CXCL13: variants seen among roughly 807,000 people sequenced by gnomAD.
The protein encoded by CXCL13 is C-X-C motif chemokine ligand 13, also known as C-X-C motif chemokine 13.
Under a neutral mutation model 12.2 loss-of-function variants are expected in CXCL13, and 7 were observed. The observed-to-expected ratio is 0.57, with a 90% CI of 0.33 to 1.07. The LOEUF (loss-of-function observed/expected upper bound fraction) is 1.07. Ranked by LOEUF, CXCL13 falls within the 50% of genes least tolerant of loss-of-function variation. The pLI, the probability that CXCL13 is intolerant of heterozygous loss-of-function variation, is 0.04. For missense variants in CXCL13, 113 were observed against 127.4 expected, an observed-to-expected ratio of 0.89 and a Z score of 0.55; for synonymous variants, 47 against 42.4, an observed-to-expected ratio of 1.11 and a Z score of -0.42.
chr4:77,563,472 G>A (rs950883365), intron 1 of CXCL13, among the ~76,000 whole-genome samples: 1 of 152,140 alleles, frequency 6.6e-6, no homozygotes, highest in Non-Finnish European at 1.5e-5. Flanking sequence ...GCATTTCTTA[G>A]ACACCATAAT....
At position 77,545,649 on chromosome 4, in the gene CXCL13, T is replaced by C. The variant is rs554597442; in HGVS notation, c.-43+33861T>C. Among the ~76,000 whole-genome samples, 246 of 152,326 alleles carry C rather than the reference T, an allele frequency of 1.6e-3. 2 individuals carry two copies. Among genetic ancestry groups the C allele is most frequent in the Non-Finnish European group, 3.0e-3 (207 of 68,036 alleles). On this transcript the variant is annotated intron_variant, in intron 1 of 4. Transcript: ENST00000286758. Reference sequence around the variant, plus strand: ...TTATCAGCTTAAGGAGATTTTGGGCTGAGATGACGGGGTTTTCTAAATATA... The same window carrying C: ...TTATCAGCTTAAGGAGATTTTGGGCCGAGATGACGGGGTTTTCTAAATATA...
intron 1 of CXCL13, among the ~76,000 whole-genome samples, chr4:77,570,877 C>T (rs544688329): frequency 8.5e-5 from 13 of 152,128 alleles, no homozygotes; most frequent in East Asian, 1.9e-4. Flanking sequence ...CTCGATTTCT[C>T]ACCGGGCCTT....
chr4:77,554,466 T>C (rs1195728182), intron 1 of CXCL13, among the ~76,000 whole-genome samples: 1 of 152,070 alleles, frequency 6.6e-6, no homozygotes, highest in East Asian at 1.9e-4. Flanking sequence ...AAGCAAAAGC[T>C]GACAAAAGAG....
chr4:77,598,223 T>A (rs1726809330), intron 1 of CXCL13, among the ~76,000 whole-genome samples: 1 of 152,210 alleles, frequency 6.6e-6, no homozygotes, highest in Admixed American at 6.5e-5. Flanking sequence ...AGCTGAAGAT[T>A]TGCGGAAGCC....
chr4:77,573,025 G>A (rs1726124692), intron 1 of CXCL13, among the ~76,000 whole-genome samples: 1 of 151,864 alleles, frequency 6.6e-6, no homozygotes, highest in Non-Finnish European at 1.5e-5. Flanking sequence ...ATAAGTGGGA[G>A]CTAAATGATG....
At chr4:77,600,876 G>A (rs929721580), upstream of CXCL13, among the ~76,000 whole-genome samples, 1 of 152,100 alleles carries the variant, frequency 6.6e-6, no homozygotes, top group Non-Finnish European at 1.5e-5. Flanking sequence ...CCTCCTTCAT[G>A]AATATTTCAG....
At chr4:77,532,463 C>T (rs1346698286) in intron 1 of CXCL13, among the ~76,000 whole-genome samples, 1 of 152,168 alleles carries the variant, frequency 6.6e-6, no homozygotes, top group Non-Finnish European at 1.5e-5. Context: ...ACCTTTCTCT[C>T]TGGCTGCCCT....
At chr4:77,534,614 G>A (rs1159246920) in intron 1 of CXCL13, among the ~76,000 whole-genome samples, 1 of 152,152 alleles carries the variant, frequency 6.6e-6, no homozygotes. Flanking sequence ...AGTTGAATAT[G>A]AATCTACAAT....
intron 1 of CXCL13, among the ~76,000 whole-genome samples, chr4:77,573,710 A>G (rs1416322399): frequency 1.3e-5 from 2 of 151,994 alleles, no homozygotes; most frequent in Non-Finnish European, 2.9e-5. Flanking sequence ...ACTTCATGCT[A>G]TAGCTCAGTA....
intron 2 of CXCL13, among the ~76,000 whole-genome samples, chr4:77,610,173 A>AT (rs201437912): frequency 0.074 from 11,161 of 150,156 alleles, 496 homozygotes; most frequent in Middle Eastern, 0.17. Context: ...ATTGCACTGA[A>AT]TTTTTTTTTT....
intron 1 of CXCL13, among the ~76,000 whole-genome samples, chr4:77,551,060 G>A (rs1370529640): frequency 2.0e-5 from 3 of 152,116 alleles, no homozygotes; most frequent in African/African-American, 7.2e-5. Flanking sequence ...AGACACTTGG[G>A]TCCTGTATTT....
intron 1 of CXCL13, among the ~76,000 whole-genome samples, chr4:77,552,733 A>G (rs1300286559): frequency 1.3e-5 from 2 of 152,136 alleles, no homozygotes; most frequent in Non-Finnish European, 2.9e-5. Flanking sequence ...AGCCTCCTCA[A>G]CCCCAAGTTC....
chr4:77,533,682 T>A (rs1266058742), intron 1 of CXCL13, among the ~76,000 whole-genome samples: 1 of 152,168 alleles, frequency 6.6e-6, no homozygotes, highest in Non-Finnish European at 1.5e-5. Flanking sequence ...TGGGCTCCAC[T>A]CAGTTCGAGC....
chr4:77,589,384 G>A (rs113836784), intron 1 of CXCL13, among the ~76,000 whole-genome samples: 6 of 151,920 alleles, frequency 3.9e-5, no homozygotes, highest in East Asian at 1.9e-4. Flanking sequence ...CTACTGTCTC[G>A]GTATCACAGT....
chr4:77,518,674 G>A (rs910944163), intron 1 of CXCL13, among the ~76,000 whole-genome samples: 1 of 152,000 alleles, frequency 6.6e-6, no homozygotes. Flanking sequence ...CTCTATATTG[G>A]TTATTCTAGT....
chr4:77,525,615 C>CT lies in CXCL13; in HGVS notation c.-43+13837dup, dbSNP rs541515249. Among the ~76,000 whole-genome samples, 1,473 of 147,732 alleles carry CT rather than the reference C, an allele frequency of 1.0e-2. 14 individuals carry two copies. The highest frequency in any genetic ancestry group is 0.028 in the African/African-American group (1,113 of 40,396). On this transcript the variant is annotated intron_variant, in intron 1 of 4. Transcript: ENST00000286758. ...TGTAGAACATATGACACAGTTGAGT[C>CT]TTTTTTTTTTAAGAAAAGTGAACAC...
intron 1 of CXCL13, among the ~76,000 whole-genome samples, chr4:77,583,304 C>T (rs1726381778): frequency 6.6e-6 from 1 of 152,164 alleles, no homozygotes; most frequent in East Asian, 1.9e-4. Context: ...AGGTATGCAG[C>T]TTGGTAGGGA....
intron 1 of CXCL13, among the ~76,000 whole-genome samples, chr4:77,544,408 GCTGTTTCCTGA>G (rs1455879942): frequency 6.6e-6 from 1 of 152,170 alleles, no homozygotes; most frequent in Non-Finnish European, 1.5e-5. Flanking sequence ...TCCAGCACCT[GCTGTTTCCTGA>G]CTTTTTAATG....
rs1245138784 is a variant in CXCL13 at position 77,575,300 on chromosome 4, TA to T, written c.-42-30523del. Among the ~76,000 whole-genome samples, 11 of 151,950 alleles carry T rather than the reference TA, an allele frequency of 7.2e-5. 1 individual carries two copies. The highest frequency in any genetic ancestry group is 1.0e-4 in the Non-Finnish European group (7 of 68,018). On this transcript the variant is annotated intron_variant, in intron 1 of 4. Transcript: ENST00000286758. ...AAGTGTTTTAAACCTCCAACTTTTT[TA>T]TTTTTTTATTATAATACTTTAAGTT...
Sources: gnomAD v4.1 joint callset for allele counts (sites outside exome capture counted in the v4.1 genomes callset) on GRCh38, gnomAD v4.1.1 for gene constraint, MANE v1.5 for transcripts, NCBI Gene and HGNC (gene_info 2026-07-23, HGNC 2026-07-21) for gene names.